The following ARID1B variants were observed in gnomAD, a reference collection of about 807,000 sequenced individuals.
The protein encoded by ARID1B is AT-rich interaction domain 1B.
A neutral mutation model predicts 212.3 loss-of-function variants in ARID1B; 30 were observed. The observed-to-expected ratio is 0.14, with a 90% CI of 0.11 to 0.19. The LOEUF is 0.19. Ranked by LOEUF, ARID1B falls within the 10% of genes least tolerant of loss-of-function variation. The probability of loss-of-function intolerance (pLI) is 1.00; values close to 1 mark genes in which losing one functional copy is unlikely to be tolerated. For missense variants in ARID1B, 2,891 were observed against 3,204.0 expected (o/e 0.90, Z 2.36); for synonymous variants, 1,402 against 1,301.7 (o/e 1.08, Z -1.66).
chr6:156,896,576 C>CAAAAAAAA lies in ARID1B; in HGVS notation c.1987-4783_1987-4776dup, dbSNP rs72490811. On this transcript the variant is annotated intron_variant, in intron 2 of 19. Coordinates refer to ENST00000636930, the MANE Select transcript of ARID1B (RefSeq NM_001374828.1). ...GGGCAACAAGAGCAAAACTGCGTCTCAAAAAAAAAAAAAAAAAAAAAAAAG... is the reference window on the plus strand; with the variant it reads ...GGGCAACAAGAGCAAAACTGCGTCTCAAAAAAAAAAAAAAAAAAAAAAAAAAAAAAAAG... Among the ~76,000 whole-genome samples, 59 of 45,902 alleles carry CAAAAAAAA rather than the reference C, an allele frequency of 1.3e-3. 3 individuals carry two copies. The highest frequency in any genetic ancestry group is 1.4e-3 in the Non-Finnish European group (39 of 27,430). The allele number at this position is 45,902 out of a possible 152,430, so 30.1% of individuals were successfully genotyped here. A position where few individuals can be genotyped will look rare whatever the true frequency, so the allele number is the denominator to read the frequency against.
At chr6:156,874,102 G>A (rs957595606) in intron 2 of ARID1B, among the ~76,000 whole-genome samples, 1 of 152,072 alleles carries the variant, frequency 6.6e-6, no homozygotes, top group East Asian at 1.9e-4. Flanking sequence ...GTTTAAACAG[G>A]GTCTCACTCT....
chr6:156,878,872 T>G (rs973637360), intron 2 of ARID1B, among the ~76,000 whole-genome samples: 1 of 152,230 alleles, frequency 6.6e-6, no homozygotes, highest in Non-Finnish European at 1.5e-5. Context: ...CATGGGTTTG[T>G]TTGCATCGTG....
intron 2 of ARID1B, among the ~76,000 whole-genome samples, chr6:156,849,550 A>G (rs753618501): frequency 6.6e-6 from 1 of 152,262 alleles, no homozygotes; most frequent in African/African-American, 2.4e-5. Context: ...TACGTAGTCT[A>G]AAAGAGTCAA....
At chr6:157,187,746 T>C (rs1459776287) in intron 13 of ARID1B, among the ~76,000 whole-genome samples, 5 of 151,948 alleles carry the variant, frequency 3.3e-5, no homozygotes, top group African/African-American at 9.7e-5. Context: ...ATTTTTTTTT[T>C]TTCCATGAAA....
Position 157,200,227 on chromosome 6 carries a change from G to A in ARID1B, c.4480-478G>A, listed in dbSNP as rs753961104. ...GTGGGATGGATGTTGGGTGACACGGGCCAGTCTGGGGAGCCGAGTCCTGTT... is the reference window on the plus strand; with the variant it reads ...GTGGGATGGATGTTGGGTGACACGGACCAGTCTGGGGAGCCGAGTCCTGTT... On this transcript the variant is annotated intron_variant, in intron 17 of 19. Coordinates refer to ENST00000636930, the MANE Select transcript of ARID1B (RefSeq NM_001374828.1). This position sits in a 1 kb window ranked among gnomAD's most constrained non-coding sequence, Gnocchi z 4.3. Among the ~76,000 whole-genome samples the A allele has an allele frequency of 8.5e-5, 13 of 152,170 alleles. No homozygotes were observed. The highest frequency in any genetic ancestry group is 1.6e-4 in the Non-Finnish European group (11 of 68,026).
Position 156,779,647 on chromosome 6 carries a change from G to A in ARID1B, c.1791+176G>A, listed in dbSNP as rs2115013312. ...CCCGCCGCGGTCGGGGCGCCCCGGG[G>A]GCCGGCGCGCTGTCCAGGCCTGGGA... is the stretch of plus-strand genomic sequence containing the variant. On this transcript the variant is annotated intron_variant, in intron 1 of 19. Transcript: ENST00000636930. The A allele has an allele frequency of 5.6e-6, 3 of 533,288 alleles. No homozygotes were observed. In the South Asian group the frequency reaches 2.5e-4, roughly 45 times the overall value. The allele number at this position is 533,288 out of a possible 1,614,324, so 33.0% of individuals were successfully genotyped here.
rs1562354325 is a variant in ARID1B at position 157,207,435 on chromosome 6, G to C, written c.6663G>C (p.Leu2221=). Residue 2221 remains leucine (L), a synonymous_variant, in exon 20 of 20, where the codon CTG becomes CTC. Coordinates refer to ENST00000636930, the MANE Select transcript of ARID1B (RefSeq NM_001374828.1). This position sits in a 1 kb window ranked among gnomAD's most constrained non-coding sequence, Gnocchi z 8.5. ...KLSIQDNNVD[L]ILATPPFSRQ... is the part of the protein sequence containing the mutation. The stretch of plus-strand genomic sequence containing the variant: ...GTATCCAGGACAATAATGTGGACCT[G>C]ATCTTGGCCACTCCTCCATTTAGTC... 6.2e-7 allele frequency: 1 copy of C among 1,614,176 alleles called. No homozygotes were observed. Among genetic ancestry groups the C allele is most frequent in the Non-Finnish European group, 8.5e-7 (1 of 1,180,042 alleles).
chr6:156,922,919 G>A (rs1482171262), intron 3 of ARID1B, among the ~76,000 whole-genome samples: 1 of 152,190 alleles, frequency 6.6e-6, no homozygotes, highest in Non-Finnish European at 1.5e-5. Flanking sequence ...GGCCTCCTGT[G>A]GCCCTCCAGG....
chr6:156,827,695 T>C (rs1487282988), intron 1 of ARID1B, among the ~76,000 whole-genome samples: 1 of 151,792 alleles, frequency 6.6e-6, no homozygotes, highest in Non-Finnish European at 1.5e-5. Context: ...TGCCCTGTGG[T>C]ACTGTACATG....
intron 4 of ARID1B, among the ~76,000 whole-genome samples, chr6:156,981,146 C>T (rs981506318): frequency 3.9e-5 from 6 of 152,202 alleles, no homozygotes; most frequent in African/African-American, 4.8e-5. Context: ...GCTGGTGTGA[C>T]TGTTAGAAAG....
At chr6:156,907,905 CAAAAAAAAAAA>C (rs1210631219) in intron 3 of ARID1B, among the ~76,000 whole-genome samples, 1 of 74,454 alleles carries the variant, frequency 1.3e-5, no homozygotes, top group Non-Finnish European at 2.9e-5. Context: ...AAGACTGTCT[CAAAAAAAAAAA>C]AAAAAAAAGA....
chr6:156,931,886 C>G (rs567345303), intron 3 of ARID1B, among the ~76,000 whole-genome samples: 1 of 149,670 alleles, frequency 6.7e-6, no homozygotes, highest in African/African-American at 2.5e-5. Flanking sequence ...CGCTTCAACC[C>G]GGGAGGTGGA....
intron 2 of ARID1B, among the ~76,000 whole-genome samples, chr6:156,897,212 G>GCTTCTTCTTCTTCTT (rs1259415755): frequency 1.7e-4 from 12 of 70,022 alleles, no homozygotes; most frequent in Admixed American, 6.6e-4. Flanking sequence ...TGCTGCTGCT[G>GCTTCTTCTTCTTCTT]CTGCTGCTTC....
chr6:157,059,380 T>C (rs561509052), intron 4 of ARID1B, among the ~76,000 whole-genome samples: 6 of 152,344 alleles, frequency 3.9e-5, no homozygotes, highest in African/African-American at 2.4e-5. Context: ...AAGTTACTTA[T>C]CGTGTTTTCC....
At chr6:157,115,339 C>G (rs1688622392) in intron 6 of ARID1B, among the ~76,000 whole-genome samples, 1 of 152,184 alleles carries the variant, frequency 6.6e-6, no homozygotes, top group Non-Finnish European at 1.5e-5. Context: ...GCTCTCTACT[C>G]TCTTACATAG....
intron 4 of ARID1B, among the ~76,000 whole-genome samples, chr6:157,076,823 A>T (rs754540169): frequency 2.0e-5 from 3 of 152,194 alleles, no homozygotes; most frequent in Non-Finnish European, 4.4e-5. Flanking sequence ...CCTGGCAATG[A>T]TGTTTGGGAA....
At chr6:157,167,285 C>G in intron 9 of ARID1B, 100 bp downstream of exon 9, 1 of 1,429,516 alleles carries the variant, frequency 7.0e-7, no homozygotes, top group East Asian at 2.4e-5. Flanking sequence ...GAAGGTGGAT[C>G]AGTTGGCGAA....
At chr6:157,169,223 A>G (rs559536790) in intron 9 of ARID1B, 1 of 152,228 alleles carries the variant, frequency 6.6e-6, no homozygotes, top group Non-Finnish European at 1.5e-5. Flanking sequence ...CTCCATCAAA[A>G]TATACTTTTG....
chr6:157,164,988 C>T (rs1791221931), intron 8 of ARID1B, among the ~76,000 whole-genome samples: 1 of 152,192 alleles, frequency 6.6e-6, no homozygotes, highest in African/African-American at 2.4e-5. Context: ...AGAGCAGTCC[C>T]ATCAGGCGCC....
Sources: allele counts gnomAD v4.1 joint callset (sites outside exome capture counted in the v4.1 genomes callset), GRCh38; gene constraint gnomAD v4.1.1; non-coding constraint Gnocchi (gnomAD v3.1); transcripts MANE v1.5; gene names NCBI Gene and HGNC (gene_info 2026-07-23, HGNC 2026-07-21).